Variants in VWA3B observed in about 807,000 individuals in gnomAD.
VWA3B encodes the protein von Willebrand factor A domain containing 3B, also known as von Willebrand factor A domain-containing protein 3B.
A neutral mutation model predicts 158.3 loss-of-function variants in VWA3B; 138 were observed. The observed-to-expected ratio is 0.87, with a 90% confidence interval of 0.76 to 1.00. VWA3B has a LOEUF of 1.00. Ranked by LOEUF, VWA3B falls within the 50% of genes least tolerant of loss-of-function variation. VWA3B has a pLI of 0.00. For synonymous variants in VWA3B, 596 were observed against 587.3 expected (o/e 1.01, Z -0.21); for missense variants, 1,555 against 1,565.1 (o/e 0.99, Z 0.11).
intron 13 of VWA3B, among the ~76,000 whole-genome samples, chr2:98,215,598 A>T (rs1421962329): frequency 6.7e-6 from 1 of 150,156 alleles, no homozygotes; most frequent in Non-Finnish European, 1.5e-5. Flanking sequence ...GCTCACTGCA[A>T]GCTCCACCTC....
At chr2:98,153,602 A>T (rs544877824) in intron 7 of VWA3B, among the ~76,000 whole-genome samples, 13 of 152,330 alleles carry the variant, frequency 8.5e-5, no homozygotes, top group African/African-American at 3.1e-4. Flanking sequence ...CCCATCACTT[A>T]GGCTTGGCAT....
At chr2:98,200,237 G>A (rs993483919) in intron 12 of VWA3B, among the ~76,000 whole-genome samples, 1 of 151,962 alleles carries the variant, frequency 6.6e-6, no homozygotes, top group Non-Finnish European at 1.5e-5. Flanking sequence ...GGCTGGGCGC[G>A]GATATGGATA....
intron 21 of VWA3B, among the ~76,000 whole-genome samples, chr2:98,270,205 G>T (rs999685080): frequency 9.2e-5 from 14 of 152,200 alleles, no homozygotes; most frequent in African/African-American, 3.1e-4. Context: ...GAGGAAAGAA[G>T]ATAAAAATAG....
At chr2:98,102,945 T>C (rs1416105646) in intron 2 of VWA3B, among the ~76,000 whole-genome samples, 1 of 152,204 alleles carries the variant, frequency 6.6e-6, no homozygotes, top group African/African-American at 2.4e-5. Context: ...ATTTGGAAAA[T>C]TGTGTTTTTC....
intron 7 of VWA3B, among the ~76,000 whole-genome samples, chr2:98,153,696 T>G (rs1293371288): frequency 6.6e-6 from 1 of 152,206 alleles, no homozygotes; most frequent in Non-Finnish European, 1.5e-5. Context: ...GGAGATTCTT[T>G]CAGAAGTCTC....
intron 6 of VWA3B, 200 bp from the exon 7 acceptor site, chr2:98,133,624 C>A: frequency 1.9e-6 from 1 of 540,456 alleles, no homozygotes; most frequent in South Asian, 3.0e-5. Flanking sequence ...AATCCCACAT[C>A]ATTCACAATT....
At chr2:98,092,813 T>TG in intron 1 of VWA3B, among the ~76,000 whole-genome samples, 1 of 122,272 alleles carries the variant, frequency 8.2e-6, no homozygotes, top group African/African-American at 3.3e-5. Context: ...TCTAGATGTT[T>TG]TTGTATATAT....
rs537083101 is a variant in VWA3B, at chr2:98,229,486, A to G, written c.2151-564A>G. Among the ~76,000 whole-genome samples, 3 of 152,276 alleles carry G rather than the reference A, an allele frequency of 2.0e-5. No individual in the cohort carries two copies. The East Asian group carries it at 5.8e-4, about 29-fold the overall frequency. On this transcript the variant is annotated intron_variant, in intron 15 of 27. Transcript: ENST00000477737. The stretch of plus-strand genomic sequence containing the variant: ...GGCTGCTGTCTTCAGCGCTTCAGAG[A>G]AGGTCATATCTGGGAAAACATGCAA...
the VWA3B span, among the ~76,000 whole-genome samples, chr2:98,327,815 C>T: frequency 6.6e-6 from 1 of 152,168 alleles, no homozygotes; most frequent in African/African-American, 2.4e-5. Flanking sequence ...TCTTAAAATG[C>T]TTGTTTTAAA....
chr2:98,294,152 A>T (rs563435621), intron 23 of VWA3B, among the ~76,000 whole-genome samples: 1 of 135,576 alleles, frequency 7.4e-6, no homozygotes, highest in South Asian at 2.3e-4. Flanking sequence ...GTTAATTTAG[A>T]TCACCTGTTC....
intron 24 of VWA3B, 51 bp from the exon 25 acceptor site, chr2:98,300,028 T>G (rs913369044): frequency 6.2e-6 from 10 of 1,608,724 alleles, no homozygotes; most frequent in South Asian, 1.1e-5. Context: ...TATGTTAACA[T>G]TGTCTGTACA....
chr2:98,211,131 T>C (rs1683472947), intron 12 of VWA3B, among the ~76,000 whole-genome samples: 1 of 152,222 alleles, frequency 6.6e-6, no homozygotes, highest in African/African-American at 2.4e-5. Flanking sequence ...ATCCTGTCCA[T>C]TGGTGATGCT....
intron 21 of VWA3B, among the ~76,000 whole-genome samples, chr2:98,259,590 C>G (rs1224617426): frequency 6.6e-6 from 1 of 151,496 alleles, no homozygotes; most frequent in Admixed American, 6.6e-5. Context: ...TAGTAATGTG[C>G]CTGCTTTCAC....
chr2:98,251,259 A>C (rs1686784975), intron 20 of VWA3B, among the ~76,000 whole-genome samples: 1 of 152,180 alleles, frequency 6.6e-6, no homozygotes, highest in Non-Finnish European at 1.5e-5. Flanking sequence ...TCATGTTTCC[A>C]TGAGATCTGT....
At chr2:98,135,405 G>A (rs1034920802) in intron 7 of VWA3B, among the ~76,000 whole-genome samples, 1 of 132,226 alleles carries the variant, frequency 7.6e-6, no homozygotes, top group South Asian at 2.5e-4. Context: ...GCGGGATCTC[G>A]GCTCACTGCA....
downstream of VWA3B, among the ~76,000 whole-genome samples, chr2:98,316,706 G>A (rs1294748530): frequency 4.0e-5 from 6 of 151,802 alleles, no homozygotes; most frequent in Non-Finnish European, 8.8e-5. Flanking sequence ...GTGGGAGGGT[G>A]ATTAGATCAT....
chr2:98,139,405 G>A (rs1573879956), intron 7 of VWA3B, among the ~76,000 whole-genome samples: 1 of 152,264 alleles, frequency 6.6e-6, no homozygotes, highest in East Asian at 1.9e-4. Flanking sequence ...GTGCAGGACT[G>A]GCAGGCAGCT....
At chr2:98,274,614 G>A (rs545752539) in intron 22 of VWA3B, among the ~76,000 whole-genome samples, 5 of 152,314 alleles carry the variant, frequency 3.3e-5, no homozygotes, top group Admixed American at 3.3e-4. Flanking sequence ...GGGCATGGGA[G>A]GAGGTACCAG....
At chr2:98,253,083 C>G (rs567868881) in intron 20 of VWA3B, among the ~76,000 whole-genome samples, 1 of 151,976 alleles carries the variant, frequency 6.6e-6, no homozygotes, top group African/African-American at 2.4e-5. Context: ...GAATATTATA[C>G]GGAACCAAAT....
Sources: allele counts gnomAD v4.1 joint callset (sites outside exome capture counted in the v4.1 genomes callset), GRCh38; gene constraint gnomAD v4.1.1; transcripts MANE v1.5; gene names NCBI Gene and HGNC (gene_info 2026-07-23, HGNC 2026-07-21).